MAML2: variants seen among roughly 807,000 people sequenced by gnomAD.
The protein encoded by MAML2 is mastermind-like protein 2.
Under a neutral mutation model 96.1 loss-of-function variants are expected in MAML2, and 22 were observed. That is an observed-to-expected ratio of 0.23 (90% confidence interval 0.16 to 0.33). The LOEUF (loss-of-function observed/expected upper bound fraction) is 0.33, where lower values mean the gene tolerates loss of function less well. MAML2 is among the 10% of genes least tolerant of loss of function. The pLI is 1.00. For synonymous variants in MAML2, 561 were observed against 521.3 expected (o/e 1.08, Z -1.04); for missense variants, 1,367 against 1,392.4 (o/e 0.98, Z 0.29).
chr11:96,069,439 C>T (rs1384497535), intron 2 of MAML2, among the ~76,000 whole-genome samples: 1 of 152,048 alleles, frequency 6.6e-6, no homozygotes, highest in Admixed American at 6.6e-5. Flanking sequence ...TTTGGGAAGC[C>T]GAGGTGGGCA....
At chr11:96,097,731 A>G (rs763752204) in intron 1 of MAML2, among the ~76,000 whole-genome samples, 12 of 152,222 alleles carry the variant, frequency 7.9e-5, no homozygotes, top group Non-Finnish European at 1.2e-4. Flanking sequence ...AAGGGGCTTC[A>G]AAGGCAAGGG....
intron 1 of MAML2, among the ~76,000 whole-genome samples, chr11:96,300,321 C>A (rs982390249): frequency 6.6e-6 from 1 of 152,080 alleles, no homozygotes; most frequent in Non-Finnish European, 1.5e-5. Flanking sequence ...AGATGAGAAG[C>A]CTTGGCAAGC....
chr11:96,220,362 A>G (rs1028299562), intron 1 of MAML2, among the ~76,000 whole-genome samples: 3 of 152,204 alleles, frequency 2.0e-5, no homozygotes, highest in South Asian at 4.1e-4. Context: ...GAAAATTTCA[A>G]CTGCCTTAGA....
chr11:96,221,785 G>A (rs573463634), intron 1 of MAML2, among the ~76,000 whole-genome samples: 2 of 148,324 alleles, frequency 1.3e-5, no homozygotes, highest in East Asian at 4.0e-4. Context: ...ATAGAAAACA[G>A]CTAAAATGTT....
At chr11:96,175,134 G>T (rs187998844) in intron 1 of MAML2, among the ~76,000 whole-genome samples, 72 of 152,270 alleles carry the variant, frequency 4.7e-4, no homozygotes, top group African/African-American at 1.6e-3. Context: ...TTACCACAAA[G>T]GAATATTTAT....
chr11:96,291,242 C>T (rs1863205554), intron 1 of MAML2, among the ~76,000 whole-genome samples: 1 of 150,260 alleles, frequency 6.7e-6, no homozygotes, highest in African/African-American at 2.4e-5. Context: ...TCTCCTGCCT[C>T]AGCCTCCTGA....
At position 96,240,557 on chromosome 11, in the gene MAML2, C is replaced by CAACAAAAAAAAAAAAAA. The variant is rs568304250; in HGVS notation, c.513+100825_513+100826insTTTTTTTTTTTTTTGTT. 1.2e-3 allele frequency among the ~76,000 whole-genome samples: 61 copies of CAACAAAAAAAAAAAAAA among 51,096 alleles called. 14 individuals carry two copies. Among genetic ancestry groups the CAACAAAAAAAAAAAAAA allele is most frequent in the East Asian group, 2.0e-3 (3 of 1,504 alleles). 33.5% of individuals were successfully genotyped at this position (51,096 alleles called of 152,430 possible). On this transcript the variant is annotated intron_variant, in intron 1 of 4. Transcript: ENST00000524717. ...TGGGCGACAGAGCGAGACTCCGTCT[C>CAACAAAAAAAAAAAAAA]AAAAAAAAAAAAAAAAAAAAAAAAA...
chr11:96,064,848 C>A (rs747993047), intron 2 of MAML2, among the ~76,000 whole-genome samples: 32 of 152,216 alleles, frequency 2.1e-4, no homozygotes, highest in Non-Finnish European at 4.1e-4. Context: ...TTAATGTTAA[C>A]ATAATCTTGG....
chr11:96,159,407 CTTT>C (rs760811590), intron 1 of MAML2, among the ~76,000 whole-genome samples: 2 of 91,122 alleles, frequency 2.2e-5, no homozygotes, highest in East Asian at 4.4e-4. Flanking sequence ...ACCACTGATT[CTTT>C]TTTTTTTTTT....
At chr11:96,291,505 G>A (rs573540) in intron 1 of MAML2, among the ~76,000 whole-genome samples, 70,986 of 151,908 alleles carry the variant, frequency 0.47, 16,613 homozygotes, top group South Asian at 0.55. Flanking sequence ...GAAAAGTAAC[G>A]TCCAGATGAG....
intron 2 of MAML2, among the ~76,000 whole-genome samples, chr11:96,047,629 G>A (rs1273153012): frequency 6.6e-6 from 1 of 152,040 alleles, no homozygotes; most frequent in Non-Finnish European, 1.5e-5. Flanking sequence ...TAGGCTTGTT[G>A]GCCGGGCGCG....
chr11:96,134,173 T>C (rs1860590084), intron 1 of MAML2, among the ~76,000 whole-genome samples: 1 of 152,248 alleles, frequency 6.6e-6, no homozygotes, highest in South Asian at 2.1e-4. Context: ...CTGAAGATTA[T>C]ACAGCTAAGT....
At chr11:96,184,874 G>A (rs980537281) in intron 1 of MAML2, among the ~76,000 whole-genome samples, 4 of 152,092 alleles carry the variant, frequency 2.6e-5, no homozygotes, top group Non-Finnish European at 5.9e-5. Context: ...GATTACAGGC[G>A]TGAGCCACTG....
Position 95,977,213 on chromosome 11 carries a change from A to G in MAML2, c.*1735T>C, listed in dbSNP as rs1471282194. 1.1e-5 allele frequency: 2 copies of G among 186,608 alleles called. No homozygotes were observed. Among genetic ancestry groups the G allele is most frequent in the African/African-American group, 2.3e-5 (1 of 42,750 alleles). The allele number at this position is 186,608 out of a possible 1,614,324, so 11.6% of individuals were successfully genotyped here. ...TTTTTGTATAAAATATAACCTTTTG[A>G]TAGTATATTTATTTCACATATGTAT... On this transcript the variant is annotated 3_prime_UTR_variant, in exon 5 of 5. Coordinates refer to ENST00000524717, the MANE Select transcript of MAML2 (RefSeq NM_032427.4).
chr11:96,094,169 T>C (rs1859786551), intron 1 of MAML2, among the ~76,000 whole-genome samples: 2 of 152,246 alleles, frequency 1.3e-5, no homozygotes, highest in Non-Finnish European at 2.9e-5. Flanking sequence ...AGTCATGAGA[T>C]GATCATTCCT....
intron 2 of MAML2, among the ~76,000 whole-genome samples, chr11:96,045,043 A>G (rs1342978093): frequency 6.6e-6 from 1 of 151,770 alleles, no homozygotes; most frequent in Non-Finnish European, 1.5e-5. Flanking sequence ...AGACTGAAAT[A>G]TATCCATCCT....
chr11:96,033,116 G>A (rs190246666), intron 2 of MAML2, among the ~76,000 whole-genome samples: 2 of 152,274 alleles, frequency 1.3e-5, no homozygotes, highest in Admixed American at 1.3e-4. Context: ...ACTAATACAT[G>A]CTATTTAAGC....
chr11:96,112,701 T>C (rs1860150007), intron 1 of MAML2, among the ~76,000 whole-genome samples: 1 of 152,252 alleles, frequency 6.6e-6, no homozygotes, highest in Non-Finnish European at 1.5e-5. Flanking sequence ...CTTCTGTGAT[T>C]ATGTGTCTGA....
intron 1 of MAML2, among the ~76,000 whole-genome samples, chr11:96,276,772 A>G (rs1028878129): frequency 6.7e-6 from 1 of 149,474 alleles, no homozygotes; most frequent in Non-Finnish European, 1.5e-5. Context: ...CCCCATTTTC[A>G]TAATTATTTC....
Sources: gnomAD v4.1 joint callset for allele counts (sites outside exome capture counted in the v4.1 genomes callset) on GRCh38, gnomAD v4.1.1 for gene constraint, MANE v1.5 for transcripts, NCBI Gene and HGNC (gene_info 2026-07-23, HGNC 2026-07-21) for gene names.